The following CUEDC1 variants were observed in gnomAD, a reference collection of about 807,000 sequenced individuals.
CUEDC1 encodes the protein CUE domain-containing protein 1.
Under a neutral mutation model 43.7 loss-of-function variants are expected in CUEDC1, and 30 were observed. The observed-to-expected ratio is 0.69, with a 90% CI of 0.51 to 0.93. CUEDC1 has a LOEUF of 0.93. Ranked by LOEUF, CUEDC1 falls within the 40% of genes least tolerant of loss-of-function variation. The probability of loss-of-function intolerance (pLI) is 0.00; values close to 1 mark genes in which losing one functional copy is unlikely to be tolerated. For synonymous variants in CUEDC1, 223 were observed against 223.6 expected, an observed-to-expected ratio of 1.00 and a Z score of 0.02; for missense variants, 486 against 549.0, an observed-to-expected ratio of 0.89 and a Z score of 1.15.
intron 2 of CUEDC1, among the ~76,000 whole-genome samples, chr17:57,883,339 G>A (rs1175460947): frequency 6.6e-6 from 1 of 152,190 alleles, no homozygotes; most frequent in Non-Finnish European, 1.5e-5. Flanking sequence ...ACCCACTAAG[G>A]AGGAAAAGCA....
intron 1 of CUEDC1, among the ~76,000 whole-genome samples, chr17:57,896,056 A>G (rs1484438416): frequency 6.6e-6 from 1 of 152,186 alleles, no homozygotes. Flanking sequence ...ATGCCCAGGT[A>G]ATCCGGGTCA....
rs146279051 is a variant in CUEDC1 at position 57,905,780 on chromosome 17, CTT to C, written c.-315-19903_-315-19902del. ...AAATGTCTGGATGTCCATGTGTACA[CTT>C]GGGTACACACAGGAAGACGTCTGGG... On this transcript the variant is annotated intron_variant, in intron 1 of 10. Coordinates refer to ENST00000577830, the MANE Select transcript of CUEDC1 (RefSeq NM_001271875.2). Among the ~76,000 whole-genome samples, 940 of 152,228 alleles carry C rather than the reference CTT, an allele frequency of 6.2e-3. 6 individuals carry two copies. Among genetic ancestry groups the C allele is most frequent in the African/African-American group, 0.021 (891 of 41,534 alleles).
chr17:57,885,290 C>T lies in CUEDC1; in HGVS notation c.275G>A (p.Gly92Asp). Residue 92 changes from glycine (G) to aspartate (D), a missense_variant, in exon 2 of 11, where the codon GGT (glycine) becomes GAT (aspartate). Gly to Asp is a moderately conservative substitution (Grantham distance 94). Transcript: ENST00000577830. ...CTCATAGACGCCGCCGCTGCTGCCA[C>T]CGCCCTCCAGGTTCATCTGCAGCAG... Reference protein sequence around the residue: ...DQLLQMNLEGGGSSGGVYEDS... With the variant: ...DQLLQMNLEGDGSSGGVYEDS... 6.2e-7 allele frequency: 1 copy of T among 1,608,616 alleles called. No homozygotes were observed. The highest frequency in any genetic ancestry group is 8.5e-7 in the Non-Finnish European group (1 of 1,177,738).
chr17:57,899,889 G>A lies in CUEDC1; in HGVS notation c.-315-14010C>T, dbSNP rs972181483. Reference sequence around the variant, plus strand: ...AGCCCTCCCACAGCCCACCCTCCAAGCCACCCCCTTCATTAGGCTGATAGC... The same window carrying A: ...AGCCCTCCCACAGCCCACCCTCCAAACCACCCCCTTCATTAGGCTGATAGC... On this transcript the variant is annotated intron_variant, in intron 1 of 10. Coordinates refer to ENST00000577830, the MANE Select transcript of CUEDC1 (RefSeq NM_001271875.2). 2.0e-5 allele frequency among the ~76,000 whole-genome samples: 3 copies of A among 151,566 alleles called. No individual in the cohort carries two copies. The East Asian group carries it at 5.9e-4, about 30-fold the overall frequency.
At chr17:57,893,374 T>TG in intron 1 of CUEDC1, among the ~76,000 whole-genome samples, 17 of 151,966 alleles carry the variant, frequency 1.1e-4, no homozygotes, top group South Asian at 6.2e-4. Flanking sequence ...TGTGTGTGTG[T>TG]TTCAGGCAGC....
intron 2 of CUEDC1, among the ~76,000 whole-genome samples, chr17:57,884,228 T>C (rs1281348148): frequency 1.4e-5 from 2 of 145,476 alleles, no homozygotes; most frequent in Admixed American, 1.4e-4. Context: ...GACGGAGCCT[T>C]GTTCTGTCAC....
chr17:57,871,232 G>T, intron 6 of CUEDC1, 54 bp downstream of exon 6: 1 of 1,359,286 alleles, frequency 7.4e-7, no homozygotes, highest in South Asian at 1.2e-5. Context: ...AGCAAAGTTG[G>T]GTGTGAGCTC....
chr17:57,880,016 G>A (rs981604098), intron 2 of CUEDC1, among the ~76,000 whole-genome samples: 4 of 152,206 alleles, frequency 2.6e-5, no homozygotes, highest in Non-Finnish European at 5.9e-5. Flanking sequence ...TCCATGTGCA[G>A]TTCAAATACA....
intron 3 of CUEDC1, among the ~76,000 whole-genome samples, chr17:57,877,659 G>A (rs2144943929): frequency 1.3e-5 from 2 of 151,672 alleles, no homozygotes; most frequent in South Asian, 4.2e-4. Flanking sequence ...GGCCGAGGTG[G>A]GCGAATCACC....
chr17:57,910,842 C>T (rs749565862), intron 1 of CUEDC1, among the ~76,000 whole-genome samples: 1 of 152,124 alleles, frequency 6.6e-6, no homozygotes, highest in African/African-American at 2.4e-5. Flanking sequence ...CCCTTAAAGT[C>T]TGGCATGAGA....
At chr17:57,926,478 G>A (rs577583209) in intron 1 of CUEDC1, among the ~76,000 whole-genome samples, 27 of 152,070 alleles carry the variant, frequency 1.8e-4, no homozygotes, top group African/African-American at 6.0e-4. Flanking sequence ...AGAAATGTAT[G>A]GGATGGGACT....
intron 1 of CUEDC1, among the ~76,000 whole-genome samples, chr17:57,897,741 G>A (rs539866949): frequency 2.6e-5 from 4 of 151,976 alleles, no homozygotes; most frequent in African/African-American, 4.8e-5. Flanking sequence ...ATGGCCAGGC[G>A]CGGTAGCTCA....
chr17:57,917,851 T>C (rs1259573687), intron 1 of CUEDC1, among the ~76,000 whole-genome samples: 1 of 152,210 alleles, frequency 6.6e-6, no homozygotes, highest in Non-Finnish European at 1.5e-5. Context: ...TGAAGACTAC[T>C]CCTCCTGACC....
intron 1 of CUEDC1, among the ~76,000 whole-genome samples, chr17:57,941,471 C>T (rs532400856): frequency 6.6e-6 from 1 of 152,332 alleles, no homozygotes; most frequent in East Asian, 1.9e-4. Flanking sequence ...CTACACTCTG[C>T]CTACCAAGCT....
chr17:57,951,085 T>C (rs2143251082), intron 1 of CUEDC1, among the ~76,000 whole-genome samples: 1 of 141,260 alleles, frequency 7.1e-6, no homozygotes, highest in African/African-American at 2.6e-5. Flanking sequence ...TCTCTGCTCA[T>C]CATTCAAGAG....
In CUEDC1 at chr17:57,954,754, C is replaced by T. The variant is rs867071451; in HGVS notation, c.-316+471G>A. ...TGAAAGGCGCTCGGCTCCCAGCAGG[C>T]GCCCCCGCCTGCCGTCGCCGCCCAG... On this transcript the variant is annotated intron_variant, in intron 1 of 10. Coordinates refer to ENST00000577830, the MANE Select transcript of CUEDC1 (RefSeq NM_001271875.2). The surrounding 1 kb of genome is among the most constrained non-coding windows in gnomAD (Gnocchi z 4.3). Among the ~76,000 whole-genome samples, 5 of 152,198 alleles carry T rather than the reference C, an allele frequency of 3.3e-5. No homozygotes were observed. The highest frequency in any genetic ancestry group is 7.2e-5 in the African/African-American group (3 of 41,554).
Position 57,954,676 on chromosome 17 carries a change from C to T in CUEDC1, c.-316+549G>A, listed in dbSNP as rs2075039104. On this transcript the variant is annotated intron_variant, in intron 1 of 10. Transcript: ENST00000577830. The surrounding 1 kb of genome is among the most constrained non-coding windows in gnomAD (Gnocchi z 4.3). ...GGGGACCGGGAGGGACCAAAAAAGG[C>T]TGAGCCGACCTGTGACATCGGCGGG... Among the ~76,000 whole-genome samples the T allele has an allele frequency of 6.6e-6, 1 of 152,126 alleles. No individual in the cohort carries two copies. The highest frequency in any genetic ancestry group is 2.4e-5 in the African/African-American group (1 of 41,432).
intron 1 of CUEDC1, among the ~76,000 whole-genome samples, chr17:57,891,272 C>T (rs923836599): frequency 1.3e-5 from 2 of 152,244 alleles, no homozygotes; most frequent in Non-Finnish European, 2.9e-5. Context: ...TCTCCCCTGC[C>T]TTCTCCATCT....
chr17:57,932,281 CAAA>C lies in CUEDC1; in HGVS notation c.-316+22941_-316+22943del, dbSNP rs56137797. ...TGGGCAACAAAGTGACACTGTGTCT[CAAA>C]AAAAAAAAAAAAAAAAAAAGGCCAG... is the stretch of plus-strand genomic sequence containing the variant. On this transcript the variant is annotated intron_variant, in intron 1 of 10. Coordinates refer to ENST00000577830, the MANE Select transcript of CUEDC1 (RefSeq NM_001271875.2). Among the ~76,000 whole-genome samples the C allele has an allele frequency of 6.6e-5, 8 of 121,940 alleles. 1 individual carries two copies. The highest frequency in any genetic ancestry group is 2.2e-4 in the African/African-American group (5 of 22,462). The allele number at this position is 121,940 out of a possible 152,430, so 80.0% of individuals were successfully genotyped here.
Sources: gnomAD v4.1 joint callset for allele counts (sites outside exome capture counted in the v4.1 genomes callset) on GRCh38, gnomAD v4.1.1 for gene constraint, Gnocchi (gnomAD v3.1) non-coding constraint, MANE v1.5 for transcripts, NCBI Gene and HGNC (gene_info 2026-07-23, HGNC 2026-07-21) for gene names.